AFG2A: variants seen among roughly 807,000 people sequenced by gnomAD.
The protein encoded by AFG2A is AAA ATPase AFG2A.
chr4:123,307,091 C>T, the AFG2A span, among the ~76,000 whole-genome samples: 1 of 152,232 alleles, frequency 6.6e-6, no homozygotes, highest in Non-Finnish European at 1.5e-5. Flanking sequence ...TATACATCTA[C>T]TCAGCAGAGT....
chr4:123,002,762 T>G, the AFG2A span, among the ~76,000 whole-genome samples: 1 of 152,194 alleles, frequency 6.6e-6, no homozygotes. Flanking sequence ...TTAACTTTGG[T>G]GAATCTGACA....
the AFG2A span, among the ~76,000 whole-genome samples, chr4:123,004,144 T>G: frequency 1.3e-5 from 2 of 152,300 alleles, no homozygotes; most frequent in East Asian, 3.9e-4. Flanking sequence ...GGTGCGCCGT[T>G]TCCTAAGCCC....
the AFG2A span, among the ~76,000 whole-genome samples, chr4:122,963,134 A>G: frequency 6.6e-6 from 1 of 152,184 alleles, no homozygotes; most frequent in Non-Finnish European, 1.5e-5. Flanking sequence ...GGCTACCTCA[A>G]TGAATAAGAT....
the AFG2A span, among the ~76,000 whole-genome samples, chr4:123,260,349 G>A: frequency 6.6e-6 from 1 of 152,100 alleles, no homozygotes; most frequent in Non-Finnish European, 1.5e-5. Flanking sequence ...CCTGAATTCT[G>A]TTTTGTAGTC....
the AFG2A span, among the ~76,000 whole-genome samples, chr4:123,015,095 C>A: frequency 6.6e-6 from 1 of 152,104 alleles, no homozygotes; most frequent in Non-Finnish European, 1.5e-5. Context: ...CATAGCACTT[C>A]ACATTTTTAC....
chr4:122,974,289 C>T, the AFG2A span, among the ~76,000 whole-genome samples: 1 of 152,030 alleles, frequency 6.6e-6, no homozygotes, highest in South Asian at 2.1e-4. Flanking sequence ...AGGAAAATTA[C>T]TAGACCATTT....
chr4:123,245,694 A>G, the AFG2A span, among the ~76,000 whole-genome samples: 3 of 152,218 alleles, frequency 2.0e-5, no homozygotes, highest in African/African-American at 7.2e-5. Context: ...AAATGCATCA[A>G]GTCTTTTCTT....
the AFG2A span, among the ~76,000 whole-genome samples, chr4:123,103,528 G>A: frequency 3.9e-5 from 6 of 151,996 alleles, no homozygotes; most frequent in South Asian, 2.1e-4. Flanking sequence ...AAATTATGAC[G>A]TATCATCAGC....
chr4:123,227,106 T>C, the AFG2A span, among the ~76,000 whole-genome samples: 751 of 152,288 alleles, frequency 4.9e-3, 11 homozygotes, highest in African/African-American at 0.017. Context: ...TCTCTTTTCT[T>C]CTTTATTAGT....
the AFG2A span, among the ~76,000 whole-genome samples, chr4:123,170,514 G>C: frequency 9.9e-5 from 15 of 152,260 alleles, no homozygotes; most frequent in Non-Finnish European, 2.2e-4. Context: ...GATTCTGTCT[G>C]TAACTGACAG....
At chr4:123,306,640 C>T in the AFG2A span, among the ~76,000 whole-genome samples, 2 of 151,966 alleles carry the variant, frequency 1.3e-5, no homozygotes, top group South Asian at 2.1e-4. Flanking sequence ...ACTGCAACCT[C>T]TGCCTCCCGG....
At chr4:123,262,078 T>G in the AFG2A span, among the ~76,000 whole-genome samples, 1 of 152,174 alleles carries the variant, frequency 6.6e-6, no homozygotes, top group Non-Finnish European at 1.5e-5. Flanking sequence ...GTCTGGCCTC[T>G]GTAGATATTT....
the AFG2A span, chr4:123,314,070 T>C: frequency 6.6e-7 from 1 of 1,514,628 alleles, no homozygotes; most frequent in Non-Finnish European, 8.8e-7. Flanking sequence ...TCTGAGAAAA[T>C]ATATATATTC....
chr4:123,144,082 G>A, the AFG2A span, among the ~76,000 whole-genome samples: 15 of 152,062 alleles, frequency 9.9e-5, no homozygotes, highest in East Asian at 2.9e-3. Context: ...AACTTGTGTG[G>A]TATACCTGGG....
chr4:123,251,472 C>T, the AFG2A span, among the ~76,000 whole-genome samples: 1 of 152,050 alleles, frequency 6.6e-6, no homozygotes, highest in Non-Finnish European at 1.5e-5. Context: ...TTAGAAACCC[C>T]AGATTTCAGC....
chr4:123,098,822 A>T, the AFG2A span, among the ~76,000 whole-genome samples: 1 of 152,042 alleles, frequency 6.6e-6, no homozygotes, highest in African/African-American at 2.4e-5. Flanking sequence ...TGCTGCAGTG[A>T]ACATGGAGTG....
chr4:122,948,553 A>G, the AFG2A span, among the ~76,000 whole-genome samples: 1 of 152,094 alleles, frequency 6.6e-6, no homozygotes, highest in Non-Finnish European at 1.5e-5. Context: ...TTTCCTTAAA[A>G]TTGAGTGTCA....
chr4:123,130,654 A>C, the AFG2A span, among the ~76,000 whole-genome samples: 1 of 152,230 alleles, frequency 6.6e-6, no homozygotes, highest in Admixed American at 6.5e-5. Flanking sequence ...TTGTTTATAC[A>C]TAATAAACAA....
the AFG2A span, among the ~76,000 whole-genome samples, chr4:123,053,856 AC>A: frequency 6.6e-6 from 1 of 152,234 alleles, no homozygotes; most frequent in African/African-American, 2.4e-5. Flanking sequence ...CGGGGCTTAG[AC>A]TGGGTCTCCT....
Sources: gnomAD v4.1 joint callset for allele counts (sites outside exome capture counted in the v4.1 genomes callset) on GRCh38, gnomAD v4.1.1 for gene constraint, MANE v1.5 for transcripts, NCBI Gene and HGNC (gene_info 2026-07-23, HGNC 2026-07-21) for gene names.